The following SLC2A13 variants were observed in gnomAD, a reference collection of about 807,000 sequenced individuals.
SLC2A13 encodes solute carrier family 2 member 13.
In SLC2A13, 32 loss-of-function variants were observed where a neutral mutation model predicts 64.4. That is an observed-to-expected ratio of 0.50 (90% CI 0.37 to 0.67). The LOEUF (loss-of-function observed/expected upper bound fraction) is 0.67. Among genes scored for constraint, SLC2A13 ranks in the 30% least tolerant of loss-of-function variants. The pLI, the probability that SLC2A13 is intolerant of heterozygous loss-of-function variation, is 0.00. For synonymous variants in SLC2A13, 338 were observed against 327.1 expected (o/e 1.03, Z -0.36); for missense variants, 743 against 829.2 (o/e 0.90, Z 1.28).
At chr12:39,918,234 C>A (rs1945552165) in intron 4 of SLC2A13, among the ~76,000 whole-genome samples, 1 of 152,106 alleles carries the variant, frequency 6.6e-6, no homozygotes, top group South Asian at 2.1e-4. Context: ...GGGTTACAAC[C>A]TTTTCCTAGC....
intron 7 of SLC2A13, among the ~76,000 whole-genome samples, chr12:39,794,123 C>CAAAAA (rs36179669): frequency 1.3e-5 from 1 of 78,372 alleles, no homozygotes; most frequent in African/African-American, 5.1e-5. Flanking sequence ...GGCCAAATTG[C>CAAAAA]AAAAAAAAAA....
chr12:40,091,220 C>T (rs1938756125), intron 1 of SLC2A13, among the ~76,000 whole-genome samples: 2 of 152,192 alleles, frequency 1.3e-5, no homozygotes, highest in South Asian at 2.1e-4. Flanking sequence ...AGTCATCCTC[C>T]ACTGAAATGT....
intron 6 of SLC2A13, among the ~76,000 whole-genome samples, chr12:39,834,709 T>C (rs1421393837): frequency 6.6e-6 from 1 of 152,080 alleles, no homozygotes; most frequent in Non-Finnish European, 1.5e-5. Flanking sequence ...TAAGCCCTTA[T>C]CTGCCTCTGT....
At chr12:39,881,312 T>A (rs1043418340) in intron 4 of SLC2A13, among the ~76,000 whole-genome samples, 3 of 151,988 alleles carry the variant, frequency 2.0e-5, no homozygotes, top group Non-Finnish European at 4.4e-5. Context: ...GATGACAATA[T>A]GAGTGTGGTT....
At chr12:39,846,452 ACTT>A (rs1333154705) in intron 6 of SLC2A13, among the ~76,000 whole-genome samples, 1 of 152,064 alleles carries the variant, frequency 6.6e-6, no homozygotes, top group Non-Finnish European at 1.5e-5. Flanking sequence ...AATTCACTTA[ACTT>A]CTTCATTTTT....
intron 3 of SLC2A13, among the ~76,000 whole-genome samples, chr12:40,002,255 G>A (rs980127033): frequency 2.6e-5 from 4 of 152,120 alleles, no homozygotes; most frequent in African/African-American, 9.7e-5. Context: ...CCTATAGTGG[G>A]TACTTTTTCA....
rs185040083 is a variant in SLC2A13 at position 39,933,129 on chromosome 12, T to G, written c.1034+18128A>C. Among the ~76,000 whole-genome samples, 15 of 152,278 alleles carry G rather than the reference T, an allele frequency of 9.9e-5. No individual in the cohort carries two copies. The East Asian group carries it at 2.9e-3, about 29-fold the overall frequency. ...CTGTAATCTCAGCTATTCAGGAGGC[T>G]GAGGCAGGAGAATCAGTTGAACCTG... On this transcript the variant is annotated intron_variant, in intron 4 of 9. Coordinates refer to ENST00000280871, the MANE Select transcript of SLC2A13 (RefSeq NM_052885.4).
In SLC2A13 at chr12:39,756,892, C is replaced by T. The variant is rs1477666178; in HGVS notation, c.*3134G>A. The T allele has an allele frequency of 6.6e-6, 1 of 151,500 alleles. No homozygotes were observed. Among genetic ancestry groups the T allele is most frequent in the African/African-American group, 2.4e-5 (1 of 41,376 alleles). The allele number at this position is 151,500 out of a possible 1,614,324, so 9.4% of individuals were successfully genotyped here. On this transcript the variant is annotated 3_prime_UTR_variant, in exon 10 of 10. Transcript: ENST00000280871. ...ATTATGAAAAAATAGTCGGTATTCT[C>T]ATAGCATTTTGTATCAGGGAACTAC...
chr12:39,949,767 C>G (rs1946197560), intron 4 of SLC2A13: 1 of 152,162 alleles, frequency 6.6e-6, no homozygotes. Flanking sequence ...AAAACCAGAA[C>G]AAATATTAGG....
chr12:39,991,076 G>A (rs943032712), intron 3 of SLC2A13, among the ~76,000 whole-genome samples: 2 of 152,090 alleles, frequency 1.3e-5, no homozygotes, highest in African/African-American at 4.8e-5. Context: ...CCTCTGATTT[G>A]CAGACAGTTA....
At chr12:39,965,765 A>T (rs1257856642) in intron 3 of SLC2A13, among the ~76,000 whole-genome samples, 1 of 152,144 alleles carries the variant, frequency 6.6e-6, no homozygotes, top group African/African-American at 2.4e-5. Context: ...ACTGTATTTG[A>T]TTTGAAGGCA....
chr12:39,969,349 G>C (rs1230895081), intron 3 of SLC2A13, among the ~76,000 whole-genome samples: 2 of 152,166 alleles, frequency 1.3e-5, no homozygotes, highest in Non-Finnish European at 2.9e-5. Flanking sequence ...GGTATTTCTA[G>C]TTCTAGATCC....
At chr12:39,929,586 C>A (rs1259038566) in intron 4 of SLC2A13, among the ~76,000 whole-genome samples, 1 of 151,302 alleles carries the variant, frequency 6.6e-6, no homozygotes, top group African/African-American at 2.4e-5. Context: ...ATATAGGAAA[C>A]AGAACTCAGC....
intron 7 of SLC2A13, among the ~76,000 whole-genome samples, chr12:39,798,441 A>G (rs1016350638): frequency 6.6e-6 from 1 of 152,264 alleles, no homozygotes; most frequent in Non-Finnish European, 1.5e-5. Flanking sequence ...ATTAACTTGA[A>G]TAAGTAACTG....
At chr12:39,990,488 C>T (rs548118603) in intron 3 of SLC2A13, among the ~76,000 whole-genome samples, 18 of 152,216 alleles carry the variant, frequency 1.2e-4, no homozygotes, top group African/African-American at 3.6e-4. Context: ...GAAGGATGTG[C>T]CCACACTTGG....
At chr12:39,770,615 A>G (rs1255501500) in intron 7 of SLC2A13, among the ~76,000 whole-genome samples, 1 of 152,178 alleles carries the variant, frequency 6.6e-6, no homozygotes, top group Non-Finnish European at 1.5e-5. Context: ...AACATTAAAT[A>G]TTCCCATCTG....
At chr12:39,907,732 G>T (rs978892900) in intron 4 of SLC2A13, 1 of 150,456 alleles carries the variant, frequency 6.6e-6, no homozygotes, top group Admixed American at 6.8e-5. Flanking sequence ...ACAGGAAGCT[G>T]TAAATGTCTG....
intron 6 of SLC2A13, among the ~76,000 whole-genome samples, chr12:39,850,926 G>A (rs1943450055): frequency 6.7e-6 from 1 of 150,164 alleles, no homozygotes; most frequent in Non-Finnish European, 1.5e-5. Context: ...TTGAGATGGA[G>A]TCTTGCTTTG....
At chr12:39,914,535 C>T (rs1945488964) in intron 4 of SLC2A13, among the ~76,000 whole-genome samples, 1 of 151,928 alleles carries the variant, frequency 6.6e-6, no homozygotes, top group Admixed American at 6.6e-5. Context: ...AAAGCCTAAC[C>T]TGTTAAAGGG....
Sources: allele counts gnomAD v4.1 joint callset (sites outside exome capture counted in the v4.1 genomes callset), GRCh38; gene constraint gnomAD v4.1.1; transcripts MANE v1.5; gene names NCBI Gene and HGNC (gene_info 2026-07-23, HGNC 2026-07-21).